Variants in PFKFB4 observed in about 807,000 individuals in gnomAD.
PFKFB4 encodes 6-phosphofructo-2-kinase/fructose-2,6-biphosphatase 4, also known as 6-phosphofructo-2-kinase/fructose-2,6-bisphosphatase 4.
A neutral mutation model predicts 62.8 loss-of-function variants in PFKFB4; 42 were observed. That is an observed-to-expected ratio of 0.67 (90% CI 0.52 to 0.86). PFKFB4 has a LOEUF of 0.86. PFKFB4 is among the 40% of genes least tolerant of loss of function. The pLI, the probability that PFKFB4 is intolerant of heterozygous loss-of-function variation, is 0.00. For missense variants in PFKFB4, 475 were observed against 627.2 expected (o/e 0.76, Z 2.59); for synonymous variants, 204 against 240.7 (o/e 0.85, Z 1.41).
At chr3:48,542,303 C>T (rs9864729) in intron 4 of PFKFB4, among the ~76,000 whole-genome samples, 16,817 of 147,004 alleles carry the variant, frequency 0.11, 1,863 homozygotes, top group African/African-American at 0.29. Context: ...CACTGCACTC[C>T]AGCCTGGGTG....
Position 48,521,889 on chromosome 3 carries a change from G to T in PFKFB4, c.1350+97C>A. ...TGGCAGAAGACTCAAGCTCCCTCTG[G>T]CAGGTGCCGCAGCTGGGCCTGGCCC... On this transcript the variant is annotated intron_variant, in intron 13 of 13. Transcript: ENST00000232375. The surrounding 1 kb of genome is among the most constrained non-coding windows in gnomAD (Gnocchi z 5.3). The T allele has an allele frequency of 2.0e-6, 2 of 1,010,056 alleles. No individual in the cohort carries two copies. The highest frequency in any genetic ancestry group is 3.2e-6 in the Non-Finnish European group (2 of 631,454). 62.6% of individuals were successfully genotyped at this position (1,010,056 alleles called of 1,614,324 possible). A position where few individuals can be genotyped will look rare whatever the true frequency, so the allele number is the denominator to read the frequency against.
At chr3:48,557,058 T>C (rs1444963646), upstream of PFKFB4, 1 of 1,017,820 alleles carries the variant, frequency 9.8e-7, no homozygotes, top group Non-Finnish European at 1.3e-6. Flanking sequence ...AACTCCGGAT[T>C]GTACTGGTCC....
chr3:48,543,516 A>C, intron 4 of PFKFB4, 64 bp downstream of exon 4: 3 of 1,442,312 alleles, frequency 2.1e-6, no homozygotes, highest in Non-Finnish European at 2.9e-6. Flanking sequence ...CTGACGAGCA[A>C]AGGCACAGAT....
rs2042096324 is a variant in PFKFB4, at chr3:48,521,597, C to G, written c.1350+389G>C. ...GGAGTGGGAAGAGTGCCCACCTGCC[C>G]TCAGAAGGCCAGAAGCCTCATTCTT... is the stretch of plus-strand genomic sequence containing the variant. On this transcript the variant is annotated intron_variant, in intron 13 of 13. Coordinates refer to ENST00000232375, the MANE Select transcript of PFKFB4 (RefSeq NM_004567.4). The surrounding 1 kb of genome is among the most constrained non-coding windows in gnomAD (Gnocchi z 5.3). 6.6e-6 allele frequency among the ~76,000 whole-genome samples: 1 copy of G among 152,212 alleles called. No individual in the cohort carries two copies. Among genetic ancestry groups the G allele is most frequent in the Non-Finnish European group, 1.5e-5 (1 of 68,034 alleles).
At chr3:48,553,160 G>A (rs1222909163) in intron 1 of PFKFB4, among the ~76,000 whole-genome samples, 3 of 152,190 alleles carry the variant, frequency 2.0e-5, no homozygotes, top group African/African-American at 7.2e-5. Flanking sequence ...CCCTGACACT[G>A]AGCAAACAGG....
chr3:48,556,892 T>G, upstream of PFKFB4: 1 of 1,440,576 alleles, frequency 6.9e-7, no homozygotes, highest in Non-Finnish European at 9.1e-7. The surrounding 1 kb of genome is among the most constrained non-coding windows in gnomAD (Gnocchi z 5.7). Context: ...CGACAGCCCA[T>G]GTCTATCTTC....
chr3:48,559,092 C>T (rs2107616788), upstream of PFKFB4, among the ~76,000 whole-genome samples: 1 of 152,314 alleles, frequency 6.6e-6, no homozygotes, highest in Non-Finnish European at 1.5e-5. Flanking sequence ...GGACAGCTGG[C>T]CTGGGCAGGG....
At chr3:48,525,946 G>T (rs2042244654) in intron 9 of PFKFB4, 1 of 241,756 alleles carries the variant, frequency 4.1e-6, no homozygotes, top group Non-Finnish European at 7.9e-6. Flanking sequence ...TCTGTGCTGT[G>T]GAAATAGTAC....
upstream of PFKFB4, chr3:48,561,523 CA>C (rs2043433432): frequency 6.5e-6 from 1 of 153,494 alleles, no homozygotes; most frequent in Non-Finnish European, 1.5e-5. The surrounding 1 kb of genome is among the most constrained non-coding windows in gnomAD (Gnocchi z 5.2). Flanking sequence ...CCTTCCAAAC[CA>C]AGGGACCAGG....
chr3:48,524,917 C>T (rs1560151813), intron 10 of PFKFB4, among the ~76,000 whole-genome samples: 1 of 152,136 alleles, frequency 6.6e-6, no homozygotes, highest in Non-Finnish European at 1.5e-5. Flanking sequence ...GTGACAAGTG[C>T]AGTGGCTTGT....
intron 7 of PFKFB4, chr3:48,536,817 C>T (rs2042635239): frequency 4.1e-6 from 1 of 244,112 alleles, no homozygotes; most frequent in African/African-American, 2.2e-5. Flanking sequence ...TCTCAATACA[C>T]TGTCTGTAAG....
rs776157810 is a variant in PFKFB4 at position 48,519,799 on chromosome 3, T to C, written c.1358A>G (p.Asp453Gly). The C allele has an allele frequency of 8.7e-6, 14 of 1,613,512 alleles. No individual in the cohort carries two copies. The highest frequency in any genetic ancestry group is 2.2e-5 in the South Asian group (2 of 91,056). ...NTHRDRPQNV[D>G]ISRPPEEALV... ...GGCTTCCTCTGGAGGTCTTGAGATG[T>C]CCACGTTCTGTACAATAAAAACACA... Residue 453 changes from aspartate to glycine, a missense_variant, in exon 14 of 14, where the codon GAC becomes GGC. Asp to Gly is a moderately conservative substitution (Grantham distance 94). Transcript: ENST00000232375.
chr3:48,556,621 G>C lies in PFKFB4; in HGVS notation c.97+60C>G. Reference sequence around the variant, plus strand: ...TTCTCCATGCGAGACCCCCGCCCAGGCCGCCCTACCCACCCATCCCGGTGC... The same window carrying C: ...TTCTCCATGCGAGACCCCCGCCCAGCCCGCCCTACCCACCCATCCCGGTGC... On this transcript the variant is annotated intron_variant, in intron 1 of 13. Transcript: ENST00000232375. This position sits in a 1 kb window ranked among gnomAD's most constrained non-coding sequence, Gnocchi z 5.7. The C allele has an allele frequency of 1.3e-6, 2 of 1,493,332 alleles. No homozygotes were observed. Among genetic ancestry groups the C allele is most frequent in the Non-Finnish European group, 9.1e-7 (1 of 1,099,402 alleles). 92.5% of individuals were successfully genotyped at this position (1,493,332 alleles called of 1,614,324 possible).
chr3:48,552,620 G>C (rs951222101), intron 1 of PFKFB4, among the ~76,000 whole-genome samples: 1 of 152,188 alleles, frequency 6.6e-6, no homozygotes, highest in Non-Finnish European at 1.5e-5. Context: ...CCAGGTGGCC[G>C]GGCTCTCAAG....
At position 48,519,590 on chromosome 3, in the gene PFKFB4, AGGTGGGCT is replaced by A; in HGVS notation, c.*149_*156del. 1 of 627,210 alleles carries A rather than the reference AGGTGGGCT, an allele frequency of 1.6e-6. No individual in the cohort carries two copies. The highest frequency in any genetic ancestry group is 2.9e-6 in the Non-Finnish European group (1 of 350,698). 38.9% of individuals were successfully genotyped at this position (627,210 alleles called of 1,614,324 possible). A position where few individuals can be genotyped will look rare whatever the true frequency, so the allele number is the denominator to read the frequency against. ...TGTCGCCGACTGTCAACAAAGAGCC[AGGTGGGCT>A]GGGGTGGGGGCTCTGGGTTCCGCCA... On this transcript the variant is annotated 3_prime_UTR_variant, in exon 14 of 14. Coordinates refer to ENST00000232375, the MANE Select transcript of PFKFB4 (RefSeq NM_004567.4).
rs2043326797 is a variant in PFKFB4 at position 48,556,553 on chromosome 3, G to C, written c.97+128C>G. On this transcript the variant is annotated intron_variant, in intron 1 of 13. Coordinates refer to ENST00000232375, the MANE Select transcript of PFKFB4 (RefSeq NM_004567.4). This position sits in a 1 kb window ranked among gnomAD's most constrained non-coding sequence, Gnocchi z 5.7. ...TGTCCCCAGCAGCCTCCCCAGTCAC[G>C]GCAACCTCACCTGTCCCCGGTTCCC... 1.7e-6 allele frequency: 2 copies of C among 1,149,954 alleles called. No individual in the cohort carries two copies. The highest frequency in any genetic ancestry group is 3.1e-5 in the South Asian group (2 of 64,296). 71.2% of individuals were successfully genotyped at this position (1,149,954 alleles called of 1,614,324 possible).
chr3:48,559,961 T>C, upstream of PFKFB4: 1 of 200,976 alleles, frequency 5.0e-6, no homozygotes, highest in South Asian at 5.6e-5. Context: ...GTCTCGCTCC[T>C]GTTACCCAGC....
rs1394786121 is a variant in PFKFB4, at chr3:48,518,281, C to G, written c.*1466G>C. The G allele has an allele frequency of 3.9e-5, 6 of 152,562 alleles. No individual in the cohort carries two copies. The highest frequency in any genetic ancestry group is 8.8e-5 in the Non-Finnish European group (6 of 68,308). 9.5% of individuals were successfully genotyped at this position (152,562 alleles called of 1,614,324 possible). On this transcript the variant is annotated 3_prime_UTR_variant, in exon 14 of 14. Coordinates refer to ENST00000232375, the MANE Select transcript of PFKFB4 (RefSeq NM_004567.4). Reference sequence around the variant, plus strand: ...AAGGATGAGAGACCACCGGCCAGGGCCAGGGACGCTAACTTCTCTCAGGGA... The same window carrying G: ...AAGGATGAGAGACCACCGGCCAGGGGCAGGGACGCTAACTTCTCTCAGGGA...
At chr3:48,559,114 T>A (rs747696937), upstream of PFKFB4, among the ~76,000 whole-genome samples, 9 of 152,288 alleles carry the variant, frequency 5.9e-5, no homozygotes, top group Admixed American at 3.3e-4. Flanking sequence ...GCCAGGGCTA[T>A]CTCTGGGAAG....
Sources: allele counts gnomAD v4.1 joint callset (sites outside exome capture counted in the v4.1 genomes callset), GRCh38; gene constraint gnomAD v4.1.1; non-coding constraint Gnocchi (gnomAD v3.1); transcripts MANE v1.5; gene names NCBI Gene and HGNC (gene_info 2026-07-23, HGNC 2026-07-21).